The following ATG2B variants were observed in gnomAD, a reference collection of about 807,000 sequenced individuals.
The protein encoded by ATG2B is autophagy-related protein 2 homolog B.
A neutral mutation model predicts 241.3 loss-of-function variants in ATG2B; 121 were observed. The ratio of observed to expected loss-of-function variants is 0.50; its 90% confidence interval spans 0.43 to 0.58. The LOEUF (loss-of-function observed/expected upper bound fraction) is 0.58. ATG2B is among the 20% of genes least tolerant of loss of function. The pLI is 0.00. For synonymous variants in ATG2B, 858 were observed against 876.6 expected (o/e 0.98, Z 0.37); for missense variants, 2,306 against 2,491.6 (o/e 0.93, Z 1.59).
chr14:96,316,520 G>A lies in ATG2B; in HGVS notation c.3361+13C>T, dbSNP rs1566723066. The stretch of plus-strand genomic sequence containing the variant: ...GTCTAAAGAGAAGAAACCAAGACAC[G>A]TGTTTGTCCTACCTTTATGGTACAG... On this transcript the variant is annotated intron_variant, in intron 21 of 41. Coordinates refer to ENST00000359933, the MANE Select transcript of ATG2B (RefSeq NM_018036.7). 10 of 1,607,040 alleles carry A rather than the reference G, an allele frequency of 6.2e-6. No individual in the cohort carries two copies. Among genetic ancestry groups the A allele is most frequent in the Non-Finnish European group, 7.6e-6 (9 of 1,178,016 alleles).
chr14:96,309,639 A>C, intron 28 of ATG2B, 45 bp from the exon 29 acceptor site: 1 of 1,551,800 alleles, frequency 6.4e-7, no homozygotes, highest in Non-Finnish European at 8.8e-7. Context: ...AATGCTCTTA[A>C]AAACCAAACT....
intron 6 of ATG2B, among the ~76,000 whole-genome samples, chr14:96,338,545 C>G (rs1448608185): frequency 1.3e-5 from 2 of 151,926 alleles, no homozygotes; most frequent in Non-Finnish European, 2.9e-5. Context: ...GGTTAAAACA[C>G]CCCCTATTCA....
At chr14:96,338,959 A>G (rs1156401914) in intron 6 of ATG2B, among the ~76,000 whole-genome samples, 1 of 152,184 alleles carries the variant, frequency 6.6e-6, no homozygotes, top group African/African-American at 2.4e-5. Context: ...CCCATCAGAA[A>G]GTGAGCAAGG....
intron 30 of ATG2B, 31 bp downstream of exon 30, chr14:96,306,683 C>T: frequency 1.3e-6 from 2 of 1,580,460 alleles, no homozygotes; most frequent in South Asian, 1.1e-5. Context: ...TAACACCATT[C>T]AAGGCTTCAA....
intron 37 of ATG2B, 99 bp from the exon 38 acceptor site, chr14:96,291,781 T>C: frequency 1.2e-6 from 1 of 863,230 alleles, no homozygotes; most frequent in South Asian, 1.7e-5. Context: ...TAGTCATTAT[T>C]GATACTAAAA....
At chr14:96,315,956 G>C (rs190922262) in intron 21 of ATG2B, among the ~76,000 whole-genome samples, 1 of 152,332 alleles carries the variant, frequency 6.6e-6, no homozygotes, top group East Asian at 1.9e-4. Flanking sequence ...CCCATCGACT[G>C]ATGAATGGAT....
Position 96,317,181 on chromosome 14 carries a change from AAT to A in ATG2B, c.3172_3173del (p.Ile1058Ter), listed in dbSNP as rs1407649809. ...SQSFLSVLLN[I>X]NHGLIAVFTD... ...TGAACACTGCTATTAATCCATGATT[AAT>A]ATTCAGAAGAACTGAGAGAAAACTC... On this transcript the variant is annotated frameshift_variant, in exon 20 of 42. Transcript: ENST00000359933. LOFTEE classifies it high-confidence loss of function. 2 of 1,613,410 alleles carry A rather than the reference AAT, an allele frequency of 1.2e-6. No individual in the cohort carries two copies.
At chr14:96,313,603 A>G (rs1401103372) in intron 23 of ATG2B, among the ~76,000 whole-genome samples, 168 bp from the exon 24 acceptor site, 1 of 152,200 alleles carries the variant, frequency 6.6e-6, no homozygotes, top group Admixed American at 6.5e-5. Context: ...TTAGTTTCAA[A>G]AAGTACTTGC....
At chr14:96,345,656 T>C (rs1888151915) in intron 2 of ATG2B, among the ~76,000 whole-genome samples, 2 of 152,188 alleles carry the variant, frequency 1.3e-5, no homozygotes, top group South Asian at 4.1e-4. Context: ...ATTCATGTAT[T>C]CATTCAACAA....
At chr14:96,308,275 TA>T (rs1887050539) in intron 29 of ATG2B, among the ~76,000 whole-genome samples, 5 of 38,616 alleles carry the variant, frequency 1.3e-4, no homozygotes, top group Non-Finnish European at 2.6e-4. Flanking sequence ...TATATATATA[TA>T]TATATATTTT....
chr14:96,300,304 G>C (rs546610569), intron 34 of ATG2B, among the ~76,000 whole-genome samples: 2 of 152,292 alleles, frequency 1.3e-5, no homozygotes, highest in East Asian at 3.9e-4. Flanking sequence ...AGGATTACTT[G>C]AGCCCAGGAG....
chr14:96,361,914 G>T (rs1888642880), intron 1 of ATG2B, among the ~76,000 whole-genome samples: 1 of 152,084 alleles, frequency 6.6e-6, no homozygotes, highest in Non-Finnish European at 1.5e-5. Flanking sequence ...AAGATTTTCT[G>T]TGGCTAAGGA....
chr14:96,351,715 G>A (rs897085701), intron 1 of ATG2B, among the ~76,000 whole-genome samples: 2 of 149,424 alleles, frequency 1.3e-5, no homozygotes, highest in Admixed American at 6.7e-5. Flanking sequence ...CAGCCTGGGC[G>A]GCAGAGCAAG....
At chr14:96,287,490 G>A (rs540488674) in intron 41 of ATG2B, among the ~76,000 whole-genome samples, 1 of 152,096 alleles carries the variant, frequency 6.6e-6, no homozygotes, top group Non-Finnish European at 1.5e-5. Flanking sequence ...CTACGTTTGC[G>A]GACAACAGAA....
intron 32 of ATG2B, 68 bp downstream of exon 32, chr14:96,304,427 G>T: frequency 8.6e-7 from 1 of 1,166,990 alleles, no homozygotes; most frequent in Non-Finnish European, 1.3e-6. Flanking sequence ...CTACGTGGTG[G>T]GGGATAACAA....
At chr14:96,333,621 A>C (rs542079694) in intron 8 of ATG2B, 67 bp downstream of exon 8, 541 of 1,480,408 alleles carry the variant, frequency 3.7e-4, no homozygotes, top group Non-Finnish European at 4.8e-4. Context: ...ACAGCAGCCA[A>C]AATTAAGTGT....
rs768790839 is a variant in ATG2B, at chr14:96,317,336, C to G, written c.3038-19G>C. The G allele has an allele frequency of 6.9e-6, 11 of 1,582,760 alleles. No homozygotes were observed. Among genetic ancestry groups the G allele is most frequent in the Non-Finnish European group, 2.6e-6 (3 of 1,163,276 alleles). ...TCCTCATCTATGAGAAATAAACATA[C>G]AATTACATTCTGATAGCATATTAAA... On this transcript the variant is annotated intron_variant, in intron 19 of 41. Coordinates refer to ENST00000359933, the MANE Select transcript of ATG2B (RefSeq NM_018036.7).
At position 96,304,575 on chromosome 14, in the gene ATG2B, G is replaced by T. The variant is rs780365806; in HGVS notation, c.4762C>A (p.Pro1588Thr). ...ISPHSSPSHT[P>T]TRHGRNTVCG... ...ACTGTATTACGTCCATGTCTCGTGGGTGTGTGAGAAGGCGAACTGTGGGGA... is the reference window on the plus strand; with the variant it reads ...ACTGTATTACGTCCATGTCTCGTGGTTGTGTGAGAAGGCGAACTGTGGGGA... Residue 1588 changes from proline (P) to threonine (T), a missense_variant, in exon 32 of 42, where the codon CCC becomes ACC. Pro to Thr is a conservative substitution (Grantham distance 38). Transcript: ENST00000359933. The T allele has an allele frequency of 6.2e-7, 1 of 1,608,218 alleles. No individual in the cohort carries two copies. Among genetic ancestry groups the T allele is most frequent in the East Asian group, 2.2e-5 (1 of 44,724 alleles).
intron 14 of ATG2B, among the ~76,000 whole-genome samples, chr14:96,326,761 TA>T (rs1887597283): frequency 6.6e-6 from 1 of 152,180 alleles, no homozygotes; most frequent in African/African-American, 2.4e-5. Flanking sequence ...GGTCTTGCTG[TA>T]TCACCCAGGC....
Sources: gnomAD v4.1 joint callset for allele counts (sites outside exome capture counted in the v4.1 genomes callset) on GRCh38, gnomAD v4.1.1 for gene constraint, MANE v1.5 for transcripts, NCBI Gene and HGNC (gene_info 2026-07-23, HGNC 2026-07-21) for gene names.